The following MID1 variants were observed in gnomAD, a reference collection of about 807,000 sequenced individuals.
The protein encoded by MID1 is midline 1, also known as E3 ubiquitin-protein ligase Midline-1.
Under a neutral mutation model 40.4 loss-of-function variants are expected in MID1, and 7 were observed. The ratio of observed to expected loss-of-function variants is 0.17; its 90% CI spans 0.10 to 0.33. The LOEUF is 0.33. Ranked by LOEUF, MID1 falls within the 10% of genes least tolerant of loss-of-function variation. The probability of loss-of-function intolerance (pLI) is 1.00; values close to 1 mark genes in which losing one functional copy is unlikely to be tolerated. For synonymous variants in MID1, 229 were observed against 221.2 expected (o/e 1.04, Z -0.31); for missense variants, 367 against 558.5 (o/e 0.66, Z 3.46).
intron 1 of MID1, among the ~76,000 whole-genome samples, chrX:10,714,861 G>C (rs917690811): frequency 4.5e-5 from 5 of 112,003 alleles, no homozygotes; most frequent in Admixed American, 1.9e-4. Flanking sequence ...GTGACAATAT[G>C]TAGAATGCCG....
intron 1 of MID1, among the ~76,000 whole-genome samples, chrX:10,608,216 G>A (rs1050072910): frequency 2.7e-5 from 3 of 112,215 alleles, no homozygotes; most frequent in Non-Finnish European, 3.8e-5. Flanking sequence ...AAAACTGAAT[G>A]TGTACTTGCC....
chrX:10,614,612 G>C (rs1395499881), intron 1 of MID1, among the ~76,000 whole-genome samples: 1 of 111,962 alleles, frequency 8.9e-6, no homozygotes, highest in East Asian at 2.8e-4. Context: ...AAAGGAAACA[G>C]GAGAGTGGTT....
intron 5 of MID1, among the ~76,000 whole-genome samples, chrX:10,475,662 T>TGTTAA (rs1929968713): frequency 8.9e-6 from 1 of 112,474 alleles, no homozygotes; most frequent in Non-Finnish European, 1.9e-5. Flanking sequence ...TTTGGTATTT[T>TGTTAA]GTTAAGTTCC....
chrX:10,601,965 C>G (rs764570534), intron 1 of MID1, among the ~76,000 whole-genome samples: 1 of 106,564 alleles, frequency 9.4e-6, no homozygotes, highest in Non-Finnish European at 1.9e-5. Flanking sequence ...GGCGCAATCT[C>G]GACTCACTGC....
intron 2 of MID1, among the ~76,000 whole-genome samples, chrX:10,545,984 T>C (rs926573215): frequency 7.5e-5 from 8 of 106,489 alleles, no homozygotes; most frequent in African/African-American, 2.7e-4. Context: ...TTTTCACTGC[T>C]TTTTTTTTTA....
intron 1 of MID1, among the ~76,000 whole-genome samples, chrX:10,717,089 C>T (rs2043309796): frequency 9.6e-6 from 1 of 104,419 alleles, no homozygotes; most frequent in South Asian, 4.4e-4. Context: ...ACTGCAAAAA[C>T]ATGCCAAATT....
In MID1 at chrX:10,448,203, C is replaced by CTGTT. The variant is rs768712243; in HGVS notation, c.*1161_*1164dup. 1.2e-3 allele frequency: 134 copies of CTGTT among 108,492 alleles called. No individual in the cohort carries two copies. The highest frequency in any genetic ancestry group is 4.5e-3 in the African/African-American group (132 of 29,609). The allele number at this position is 108,492 out of a possible 1,213,427, so 8.9% of individuals were successfully genotyped here. A position where few individuals can be genotyped will look rare whatever the true frequency, so the allele number is the denominator to read the frequency against. ...CTTTCAAGATGTGTTTAATAAAGGT[C>CTGTT]TGTTTATAATAACTTTTGAGGCATG... On this transcript the variant is annotated 3_prime_UTR_variant, in exon 10 of 10. Coordinates refer to ENST00000317552, the MANE Select transcript of MID1 (RefSeq NM_000381.4).
rs148065623 is a variant in MID1 at position 10,525,831 on chromosome X, C to T, written c.661-2644G>A. On this transcript the variant is annotated intron_variant, in intron 2 of 9. Transcript: ENST00000317552. ...ATGGGGGTCTTGGCCTCCAGGTGTA[C>T]AAGGCTCTTGCCACATGTGATGTTC... is the stretch of plus-strand genomic sequence containing the variant. 4.1e-3 allele frequency among the ~76,000 whole-genome samples: 458 copies of T among 111,719 alleles called. 1 individual carries two copies. The highest frequency in any genetic ancestry group is 0.014 in the African/African-American group (439 of 30,693).
At chrX:10,554,131 C>T (rs750145518) in intron 2 of MID1, among the ~76,000 whole-genome samples, 5 of 111,861 alleles carry the variant, frequency 4.5e-5, no homozygotes, top group Non-Finnish European at 5.6e-5. Context: ...CCACTAAATG[C>T]TAGGCTAGAC....
chrX:10,633,412 G>T (rs1936073458), intron 1 of MID1, among the ~76,000 whole-genome samples: 1 of 111,244 alleles, frequency 9.0e-6, no homozygotes, highest in Non-Finnish European at 1.9e-5. Context: ...CTGCTTCTTT[G>T]TGTTTTGCTC....
Position 10,449,136 on chromosome X carries a change from T to A in MID1, c.*232A>T. Reference sequence around the variant, plus strand: ...CTGATTATGTTTCTCTTATAAATAATCTATAGATTTTCCTCTAAATACAAA... The same window carrying A: ...CTGATTATGTTTCTCTTATAAATAAACTATAGATTTTCCTCTAAATACAAA... On this transcript the variant is annotated 3_prime_UTR_variant, in exon 10 of 10. Transcript: ENST00000317552. The A allele has an allele frequency of 2.8e-6, 1 of 352,978 alleles. No homozygotes were observed. Among genetic ancestry groups the A allele is most frequent in the Non-Finnish European group, 4.9e-6 (1 of 203,904 alleles). 29.1% of individuals were successfully genotyped at this position (352,978 alleles called of 1,213,427 possible).
chrX:10,605,649 A>C (rs996174197), intron 1 of MID1, among the ~76,000 whole-genome samples: 5 of 111,991 alleles, frequency 4.5e-5, no homozygotes, highest in Non-Finnish European at 9.4e-5. Flanking sequence ...GTGCATTTTC[A>C]AAGTATTTTT....
At chrX:10,801,150 A>ATGT (rs924397460) in intron 1 of MID1, among the ~76,000 whole-genome samples, 1 of 111,809 alleles carries the variant, frequency 8.9e-6, no homozygotes, top group African/African-American at 3.2e-5. Flanking sequence ...ACAAGAAATT[A>ATGT]TGTTATTTCC....
At chrX:10,639,123 T>A (rs1202687553) in intron 1 of MID1, among the ~76,000 whole-genome samples, 1 of 112,100 alleles carries the variant, frequency 8.9e-6, no homozygotes, top group Admixed American at 9.4e-5. Flanking sequence ...GGAACGCAGG[T>A]CCTTGCCAGC....
intron 1 of MID1, among the ~76,000 whole-genome samples, chrX:10,587,770 C>T (rs1404135789): frequency 9.0e-6 from 1 of 111,093 alleles, no homozygotes; most frequent in Non-Finnish European, 1.9e-5. Flanking sequence ...TCCTTTAGCA[C>T]CTATTTTTAT....
intron 1 of MID1, among the ~76,000 whole-genome samples, chrX:10,701,090 G>A (rs1221080045): frequency 9.0e-6 from 1 of 111,547 alleles, no homozygotes; most frequent in African/African-American, 3.3e-5. Flanking sequence ...TCACAGGCAA[G>A]AGGAAAAGTA....
chrX:10,662,731 T>G (rs1284138739), intron 1 of MID1, among the ~76,000 whole-genome samples: 1 of 112,061 alleles, frequency 8.9e-6, no homozygotes, highest in Non-Finnish European at 1.9e-5. Flanking sequence ...CATCTAATTT[T>G]ATCCTAACAT....
rs776114775 is a variant in MID1, at chrX:10,686,797, C to T, written c.-186-66378G>A. On this transcript the variant is annotated intron_variant, in intron 1 of 10. Coordinates refer to the MID1 transcript ENST00000380785. ...ACCTGGCTGAGAGCTCTGGAACAAG[C>T]GTTGCAGATCAGAATTGTCTCATGT... 2.1e-3 allele frequency among the ~76,000 whole-genome samples: 234 copies of T among 112,098 alleles called. 2 individuals carry two copies. Among genetic ancestry groups the T allele is most frequent in the African/African-American group, 6.9e-3 (214 of 30,880 alleles).
chrX:10,456,139 C>T (rs1284078209), intron 8 of MID1, among the ~76,000 whole-genome samples: 1 of 112,463 alleles, frequency 8.9e-6, no homozygotes, highest in Non-Finnish European at 1.9e-5. Context: ...TCAACTGTGG[C>T]AATACACGAT....
Sources: allele counts gnomAD v4.1 joint callset (sites outside exome capture counted in the v4.1 genomes callset), GRCh38; gene constraint gnomAD v4.1.1; transcripts MANE v1.5; gene names NCBI Gene and HGNC (gene_info 2026-07-23, HGNC 2026-07-21).